The following ADAT1 variants were observed in gnomAD, a reference collection of about 807,000 sequenced individuals.
The protein encoded by ADAT1 is tRNA-specific adenosine deaminase 1.
In ADAT1, 58 loss-of-function variants were observed where a neutral mutation model predicts 58.6. The ratio of observed to expected loss-of-function variants is 0.99; its 90% CI spans 0.80 to 1.23. ADAT1 has a LOEUF of 1.23. ADAT1 is among the 50% of genes most tolerant of loss of function. ADAT1 has a pLI of 0.00. For missense variants in ADAT1, 741 were observed against 608.6 expected (o/e 1.22, Z -2.29); for synonymous variants, 254 against 220.8 (o/e 1.15, Z -1.33).
chr16:75,612,511 T>G lies in ADAT1; in HGVS notation c.775A>C (p.Thr259Pro), dbSNP rs2081574761. The change falls in exon 6 of 10, where the codon ACT (threonine) becomes CCT (proline). Residue 259 changes from threonine (T) to proline (P), a missense_variant. By Grantham distance (38) the Thr-to-Pro change is conservative. Coordinates refer to ENST00000564657, the MANE Select transcript of ADAT1 (RefSeq NM_001324445.2). Reference sequence around the variant, plus strand: ...TCTCCAGGTACACACTTGGCTCCAGTTCTATAAACGTCTATCACTTTGGCA... The same window carrying G: ...TCTCCAGGTACACACTTGGCTCCAGGTCTATAAACGTCTATCACTTTGGCA... ...GSAKVIDVYR[T>P]GAKCVPGEAG... 6.2e-7 allele frequency: 1 copy of G among 1,614,090 alleles called. No homozygotes were observed.
chr16:75,609,969 G>A (rs1030812410), intron 6 of ADAT1, among the ~76,000 whole-genome samples: 1 of 152,158 alleles, frequency 6.6e-6, no homozygotes, highest in African/African-American at 2.4e-5. Flanking sequence ...CTCCCAAAGT[G>A]CTGGCATTAC....
At position 75,612,494 on chromosome 16, in the gene ADAT1, T is replaced by C. The variant is rs140426094; in HGVS notation, c.792A>G (p.Val264=). The C allele has an allele frequency of 4.6e-4, 736 of 1,614,178 alleles. 1 individual carries two copies. The highest frequency in any genetic ancestry group is 4.4e-4 in the Non-Finnish European group (519 of 1,180,028). Residue 264 remains valine (V), a synonymous_variant, in exon 6 of 10, where the codon GTA becomes GTG. Coordinates refer to ENST00000564657, the MANE Select transcript of ADAT1 (RefSeq NM_001324445.2). The part of the protein sequence containing the change: ...IDVYRTGAKC[V]PGEAGDSGKP... ...TTCCGGAGTCTCCAGCTTCTCCAGG[T>C]ACACACTTGGCTCCAGTTCTATAAA...
At chr16:75,616,596 C>T (rs1434889298) in intron 5 of ADAT1, among the ~76,000 whole-genome samples, 1 of 152,170 alleles carries the variant, frequency 6.6e-6, no homozygotes, top group Non-Finnish European at 1.5e-5. Context: ...CAGGCTAGGT[C>T]TTCCTGTCTT....
At position 75,599,506 on chromosome 16, in the gene ADAT1, A is replaced by T; in HGVS notation, c.*710T>A. Reference sequence around the variant, plus strand: ...TGAGACATCTAAACAGTGTTACTAGATCTTTGATTCTCTTGGCTGTTTCCT... The same window carrying T: ...TGAGACATCTAAACAGTGTTACTAGTTCTTTGATTCTCTTGGCTGTTTCCT... On this transcript the variant is annotated 3_prime_UTR_variant, in exon 10 of 10. Coordinates refer to ENST00000564657, the MANE Select transcript of ADAT1 (RefSeq NM_001324445.2). 1.0e-6 allele frequency: 1 copy of T among 985,852 alleles called. No homozygotes were observed. The highest frequency in any genetic ancestry group is 1.2e-6 in the Non-Finnish European group (1 of 829,936). 61.1% of individuals were successfully genotyped at this position (985,852 alleles called of 1,614,324 possible). A position where few individuals can be genotyped will look rare whatever the true frequency, so the allele number is the denominator to read the frequency against.
chr16:75,597,269 A>T lies in ADAT1; in HGVS notation c.*2947T>A. The T allele has an allele frequency of 2.8e-6, 1 of 358,586 alleles. No individual in the cohort carries two copies. Among genetic ancestry groups the T allele is most frequent in the Non-Finnish European group, 5.6e-6 (1 of 179,620 alleles). The allele number at this position is 358,586 out of a possible 1,614,324, so 22.2% of individuals were successfully genotyped here. On this transcript the variant is annotated 3_prime_UTR_variant, in exon 10 of 10. Coordinates refer to ENST00000564657, the MANE Select transcript of ADAT1 (RefSeq NM_001324445.2). ...TGGGGTCCTTATAAGTAGGCCATGG[A>T]AAGACACAGACACAGGGAAGAAGGC...
rs779852682 is a variant in ADAT1, at chr16:75,612,252, A to T, written c.1034T>A (p.Leu345Gln). 3.1e-6 allele frequency: 5 copies of T among 1,613,634 alleles called. No homozygotes were observed. The highest frequency in any genetic ancestry group is 1.3e-5 in the African/African-American group (1 of 74,916). ...PYSQEAMQRA[L>Q]IGRCQNVSAL... ...CTCCCTACCCTCTCACCTTCCAATC[A>T]GTGCTCTCTGCATGGCTTCCTGGCT... is the stretch of plus-strand genomic sequence containing the variant. The change falls in exon 6 of 10, where the codon CTG becomes CAG. Residue 345 changes from leucine (L) to glutamine (Q), a missense_variant. Physicochemically the swap from Leu to Gln is moderately radical, Grantham distance 113. Transcript: ENST00000564657.
intron 8 of ADAT1, among the ~76,000 whole-genome samples, chr16:75,606,542 C>A (rs79310243): frequency 0.013 from 1,983 of 152,260 alleles, 52 homozygotes; most frequent in African/African-American, 0.044. Flanking sequence ...TGGAGAGGTC[C>A]TTGTTATAAG....
chr16:75,613,008 C>T (rs2081597096), intron 5 of ADAT1, 147 bp from the exon 6 acceptor site: 3 of 988,940 alleles, frequency 3.0e-6, no homozygotes, highest in Non-Finnish European at 4.4e-6. Flanking sequence ...GAGGCAGAGC[C>T]CAGCAGTGTG....
At chr16:75,605,637 T>A (rs2081348195) in intron 8 of ADAT1, among the ~76,000 whole-genome samples, 1 of 151,786 alleles carries the variant, frequency 6.6e-6, no homozygotes, top group South Asian at 2.1e-4. Context: ...GATCTACATT[T>A]AAAAAATCCC....
Position 75,612,603 on chromosome 16 carries a change from G to A in ADAT1, c.683C>T (p.Pro228Leu), listed in dbSNP as rs560668562. 2.1e-4 allele frequency: 337 copies of A among 1,614,078 alleles called. No individual in the cohort carries two copies. Among genetic ancestry groups the A allele is most frequent in the Non-Finnish European group, 2.7e-4 (316 of 1,180,024 alleles). The change falls in exon 6 of 10, where the codon CCA becomes CTA. Residue 228 changes from proline to leucine, a missense_variant. By Grantham distance (98) the Pro-to-Leu change is moderately conservative. Coordinates refer to ENST00000564657, the MANE Select transcript of ADAT1 (RefSeq NM_001324445.2). Reference protein sequence around the residue: ...FGKQKSGPISPGIHSCDLTVE... With the variant: ...FGKQKSGPISLGIHSCDLTVE... Reference sequence around the variant, plus strand: ...AGTGAGATCACAGCTGTGGATGCCTGGTGAGATTGGGCCACTTTTCTGCTT... The same window carrying A: ...AGTGAGATCACAGCTGTGGATGCCTAGTGAGATTGGGCCACTTTTCTGCTT...
At chr16:75,620,959 C>T (rs1415985050) in intron 1 of ADAT1, 139 bp from the exon 2 acceptor site, 1 of 603,122 alleles carries the variant, frequency 1.7e-6, no homozygotes, top group Non-Finnish European at 2.7e-6. Context: ...GGATCATTTT[C>T]TTCTACTATC....
intron 8 of ADAT1, among the ~76,000 whole-genome samples, chr16:75,604,518 CAT>C (rs199704554): frequency 0.021 from 2,347 of 111,240 alleles, 36 homozygotes; most frequent in African/African-American, 0.031. Context: ...CACACACACA[CAT>C]ATATACATAT....
rs139247976 is a variant in ADAT1, at chr16:75,622,817, G to C, written c.-436C>G. The C allele has an allele frequency of 6.6e-6, 1 of 152,232 alleles. No individual in the cohort carries two copies. The highest frequency in any genetic ancestry group is 2.4e-5 in the African/African-American group (1 of 41,462). The allele number at this position is 152,232 out of a possible 1,614,324, so 9.4% of individuals were successfully genotyped here. ...GTCCTTTCCAAAGAAAAGGAAGTCGGCTGCCAGGGGAGAAAAGGCTTCAGC... is the reference window on the plus strand; with the variant it reads ...GTCCTTTCCAAAGAAAAGGAAGTCGCCTGCCAGGGGAGAAAAGGCTTCAGC... On this transcript the variant is annotated 5_prime_UTR_variant, in exon 1 of 10. Transcript: ENST00000564657.
chr16:75,620,372 C>G (rs889000250), intron 2 of ADAT1, 38 bp from the exon 3 acceptor site: 2 of 1,605,686 alleles, frequency 1.2e-6, no homozygotes, highest in East Asian at 2.2e-5. Flanking sequence ...TTCTGAGAAA[C>G]GGAATGTTCC....
chr16:75,600,318 G>C lies in ADAT1; in HGVS notation c.1407C>G (p.Tyr469Ter), dbSNP rs1267305617. 3.1e-6 allele frequency: 5 copies of C among 1,613,990 alleles called. No homozygotes were observed. The highest frequency in any genetic ancestry group is 4.2e-6 in the Non-Finnish European group (5 of 1,180,014). Reference protein sequence around the residue: ...RVQKLDTYQEYKEAASSYQEA... With the variant: ...RVQKLDTYQE ...CCTGGTAAGAGGACGCAGCCTCCTT[G>C]TACTCCTGGTAGGTATCCAGCTTCT... Residue 469 changes from tyrosine (Y) to a stop codon, truncating the protein, a stop_gained, in exon 10 of 10, where the codon TAC becomes TAG. Coordinates refer to ENST00000564657, the MANE Select transcript of ADAT1 (RefSeq NM_001324445.2). LOFTEE classifies it high-confidence loss of function.
chr16:75,618,664 G>C, intron 3 of ADAT1, 24 bp from the exon 4 acceptor site: 1 of 1,612,530 alleles, frequency 6.2e-7, no homozygotes, highest in Non-Finnish European at 8.5e-7. Flanking sequence ...AGGACACCAG[G>C]TGAAGACATA....
intron 5 of ADAT1, among the ~76,000 whole-genome samples, chr16:75,613,554 G>A (rs111835130): frequency 0.036 from 5,475 of 152,142 alleles, 158 homozygotes; most frequent in African/African-American, 0.08. Flanking sequence ...CGAGTGATCC[G>A]CCCACCTTGG....
At chr16:75,615,183 A>T (rs77558901) in intron 5 of ADAT1, among the ~76,000 whole-genome samples, 5,366 of 141,410 alleles carry the variant, frequency 0.038, 152 homozygotes, top group African/African-American at 0.083. Context: ...GCCGAGATCG[A>T]GAAAAAAAAA....
In ADAT1 at chr16:75,600,181, T is replaced by G; in HGVS notation, c.*35A>C. 1.2e-6 allele frequency: 2 copies of G among 1,612,174 alleles called. No individual in the cohort carries two copies. The highest frequency in any genetic ancestry group is 1.7e-6 in the Non-Finnish European group (2 of 1,178,454). ...CTGCGTGGAGGAAGGCAGTTCAGGA[T>G]GAAGGGTCCTGCTACCAGAGCAAAC... On this transcript the variant is annotated 3_prime_UTR_variant, in exon 10 of 10. Coordinates refer to ENST00000564657, the MANE Select transcript of ADAT1 (RefSeq NM_001324445.2).
Sources: allele counts gnomAD v4.1 joint callset (sites outside exome capture counted in the v4.1 genomes callset), GRCh38; gene constraint gnomAD v4.1.1; transcripts MANE v1.5; gene names NCBI Gene and HGNC (gene_info 2026-07-23, HGNC 2026-07-21).